Variants in STIM1 observed in about 807,000 individuals in gnomAD.
STIM1 encodes the protein stromal interaction molecule 1.
In STIM1, 25 loss-of-function variants were observed where a neutral mutation model predicts 74.7. The ratio of observed to expected loss-of-function variants is 0.33; its 90% CI spans 0.24 to 0.47. STIM1 has a LOEUF of 0.47. STIM1 is among the 20% of genes least tolerant of loss of function. The pLI, the probability that STIM1 is intolerant of heterozygous loss-of-function variation, is 1.00. For synonymous variants in STIM1, 328 were observed against 348.8 expected (o/e 0.94, Z 0.66); for missense variants, 728 against 920.8 (o/e 0.79, Z 2.71).
intron 1 of STIM1, among the ~76,000 whole-genome samples, chr11:3,926,829 G>A (rs545954171): frequency 6.6e-6 from 1 of 152,306 alleles, no homozygotes; most frequent in East Asian, 1.9e-4. Context: ...CTCCAGTGAG[G>A]AGAGCTACCA....
intron 1 of STIM1, among the ~76,000 whole-genome samples, chr11:3,958,181 CG>C (rs1565127995): frequency 6.6e-6 from 1 of 152,068 alleles, no homozygotes; most frequent in East Asian, 1.9e-4. Context: ...TTTTGATGAG[CG>C]ACCTCAGGGA....
intron 1 of STIM1, among the ~76,000 whole-genome samples, chr11:3,928,480 G>A (rs1379415124): frequency 6.6e-6 from 1 of 152,040 alleles, no homozygotes; most frequent in Non-Finnish European, 1.5e-5. Flanking sequence ...ACCCACCTCG[G>A]CCTCCCAAAG....
At chr11:3,873,137 C>T (rs991375539) in intron 1 of STIM1, among the ~76,000 whole-genome samples, 15 of 151,880 alleles carry the variant, frequency 9.9e-5, no homozygotes, top group Non-Finnish European at 2.1e-4. Context: ...AAAACTTGGC[C>T]GGGTGCGGTG....
At chr11:4,012,255 G>A (rs1180268393) in intron 2 of STIM1, among the ~76,000 whole-genome samples, 1 of 152,206 alleles carries the variant, frequency 6.6e-6, no homozygotes, top group Non-Finnish European at 1.5e-5. Context: ...TTCCAATTCT[G>A]TGAAGAAAGT....
At chr11:3,990,295 C>A (rs888132122) in intron 2 of STIM1, among the ~76,000 whole-genome samples, 3 of 152,078 alleles carry the variant, frequency 2.0e-5, no homozygotes, top group African/African-American at 7.2e-5. Context: ...ATGGACATAC[C>A]AGTTTTGTTT....
chr11:3,895,053 C>T (rs2092018229), intron 1 of STIM1, among the ~76,000 whole-genome samples: 1 of 152,084 alleles, frequency 6.6e-6, no homozygotes, highest in East Asian at 1.9e-4. Flanking sequence ...CCGGCCGACC[C>T]TGTTCTAAGG....
chr11:4,085,951 C>T (rs2094490868), intron 11 of STIM1, among the ~76,000 whole-genome samples: 1 of 152,146 alleles, frequency 6.6e-6, no homozygotes, highest in Non-Finnish European at 1.5e-5. Flanking sequence ...TATAGTCTCC[C>T]AGAAACTGGA....
At chr11:3,932,761 A>G (rs191204741) in intron 1 of STIM1, among the ~76,000 whole-genome samples, 4 of 151,980 alleles carry the variant, frequency 2.6e-5, no homozygotes, top group Non-Finnish European at 4.4e-5. Flanking sequence ...ACAGCCATCT[A>G]TGAACCAGTA....
At position 4,086,508 on chromosome 11, in the gene STIM1, C is replaced by T. The variant is rs377102721; in HGVS notation, c.1599C>T (p.Arg533=). Residue 533 remains arginine, a synonymous_variant, in exon 12 of 13, where the codon CGC becomes CGT. Coordinates refer to ENST00000526596, the MANE Select transcript of STIM1 (RefSeq NM_001382567.1). ...APSLQSSVRQ[R]LTEPQHGLGS... Reference sequence around the variant, plus strand: ...GCCTGCAGAGCAGTGTTCGGCAGCGCCTGACGGAGCCACAGCATGGCCTGG... The same window carrying T: ...GCCTGCAGAGCAGTGTTCGGCAGCGTCTGACGGAGCCACAGCATGGCCTGG... 6.8e-6 allele frequency: 11 copies of T among 1,614,062 alleles called. No homozygotes were observed. The African/African-American group carries it at 1.5e-4, about 22-fold the overall frequency.
At chr11:4,025,857 G>T (rs538011513) in intron 3 of STIM1, among the ~76,000 whole-genome samples, 1 of 152,102 alleles carries the variant, frequency 6.6e-6, no homozygotes, top group Admixed American at 6.6e-5. Flanking sequence ...GGTTTTTTGG[G>T]GGAGAGTCCT....
chr11:3,855,613 A>G (rs1236286940), upstream of STIM1: 1 of 138,714 alleles, frequency 7.2e-6, no homozygotes, highest in Non-Finnish European at 1.6e-5. Context: ...GGGCGCGGAG[A>G]CGCACGCCCC....
At chr11:3,869,067 C>T (rs899067287) in intron 1 of STIM1, among the ~76,000 whole-genome samples, 4 of 152,070 alleles carry the variant, frequency 2.6e-5, no homozygotes, top group Admixed American at 2.6e-4. Context: ...CTCCCGGGTT[C>T]ATGCCATTCT....
At chr11:3,902,990 A>T (rs1444401160) in intron 1 of STIM1, among the ~76,000 whole-genome samples, 1 of 152,188 alleles carries the variant, frequency 6.6e-6, no homozygotes, top group East Asian at 1.9e-4. Context: ...GAACATGTTT[A>T]TATATAATTT....
chr11:4,005,851 T>C (rs921212712), intron 2 of STIM1, among the ~76,000 whole-genome samples: 1 of 152,198 alleles, frequency 6.6e-6, no homozygotes, highest in Non-Finnish European at 1.5e-5. Context: ...CAACAGCTTC[T>C]GATCTCAGTG....
At position 3,857,486 on chromosome 11, in the gene STIM1, C is replaced by A. The variant is rs1211627595; in HGVS notation, c.139+1077C>A. Among the ~76,000 whole-genome samples, 3 of 151,796 alleles carry A rather than the reference C, an allele frequency of 2.0e-5. No homozygotes were observed. The East Asian group carries it at 5.8e-4, about 29-fold the overall frequency. On this transcript the variant is annotated intron_variant, in intron 1 of 12. Coordinates refer to ENST00000526596, the MANE Select transcript of STIM1 (RefSeq NM_001382567.1). The stretch of plus-strand genomic sequence containing the variant: ...CTCTCTGTGTTGTGCAGGGATCCCT[C>A]CCAAAGTGCTGGGATTACAGGTGTG...
chr11:4,056,552 A>G lies in STIM1; in HGVS notation c.497+915A>G, dbSNP rs141514773. On this transcript the variant is annotated intron_variant, in intron 4 of 12. Transcript: ENST00000526596. ...TGTATAATCTGTCATCTTATTATGT[A>G]GGTGCATCTGGTTTTGAGCTTCAGC... 4.6e-5 allele frequency among the ~76,000 whole-genome samples: 7 copies of G among 152,310 alleles called. No homozygotes were observed. In the East Asian group the frequency reaches 1.2e-3, roughly 25 times the overall value.
intron 2 of STIM1, among the ~76,000 whole-genome samples, chr11:4,010,580 T>G (rs753482463): frequency 2.6e-5 from 4 of 152,184 alleles, no homozygotes; most frequent in Non-Finnish European, 4.4e-5. Flanking sequence ...TCTCATTTAA[T>G]CCTTACCATA....
chr11:3,932,682 A>G (rs1007051813), intron 1 of STIM1, among the ~76,000 whole-genome samples: 32 of 151,278 alleles, frequency 2.1e-4, no homozygotes, highest in African/African-American at 3.9e-4. Flanking sequence ...AAAAAAAAAA[A>G]AAAAGAAAAG....
chr11:3,911,802 C>T (rs7129444), intron 1 of STIM1, among the ~76,000 whole-genome samples: 68,369 of 152,016 alleles, frequency 0.45, 15,804 homozygotes, highest in African/African-American at 0.56. Context: ...TGTTACTCTC[C>T]TATCATACTT....
Sources: allele counts gnomAD v4.1 joint callset (sites outside exome capture counted in the v4.1 genomes callset), GRCh38; gene constraint gnomAD v4.1.1; transcripts MANE v1.5; gene names NCBI Gene and HGNC (gene_info 2026-07-23, HGNC 2026-07-21).